NFIA: variants seen among roughly 807,000 people sequenced by gnomAD.
NFIA encodes the protein nuclear factor I A.
NFIA carries 8 observed loss-of-function variants against 62.8 expected under a neutral mutation model. That is an observed-to-expected ratio of 0.13 (90% CI 0.07 to 0.23). The LOEUF (loss-of-function observed/expected upper bound fraction) is 0.23, where lower values mean the gene tolerates loss of function less well. Ranked by LOEUF, NFIA falls within the 10% of genes least tolerant of loss-of-function variation. The pLI, the probability that NFIA is intolerant of heterozygous loss-of-function variation, is 1.00. For synonymous variants in NFIA, 235 were observed against 238.1 expected (o/e 0.99, Z 0.12); for missense variants, 410 against 642.1 (o/e 0.64, Z 3.91).
chr1:61,080,782 G>C (rs913713955), upstream of NFIA, among the ~76,000 whole-genome samples: 1 of 152,290 alleles, frequency 6.6e-6, no homozygotes, highest in East Asian at 1.9e-4. Flanking sequence ...GGGTGGGAGA[G>C]AGAATGGTTC....
chr1:61,237,043 T>C (rs1655054263), intron 2 of NFIA, among the ~76,000 whole-genome samples: 1 of 152,146 alleles, frequency 6.6e-6, no homozygotes, highest in African/African-American at 2.4e-5. Context: ...TGGGGACTTT[T>C]TGTCTCTTGT....
At chr1:61,153,415 C>CT (rs1318518481) in intron 2 of NFIA, among the ~76,000 whole-genome samples, 1 of 152,192 alleles carries the variant, frequency 6.6e-6, no homozygotes, top group Non-Finnish European at 1.5e-5. Flanking sequence ...CTGTAATTCT[C>CT]TAACTTTCAA....
chr1:61,326,124 ATCT>A (rs1463685447), intron 3 of NFIA, among the ~76,000 whole-genome samples: 12 of 152,240 alleles, frequency 7.9e-5, no homozygotes, highest in Middle Eastern at 6.8e-3. Flanking sequence ...ATCACACAAG[ATCT>A]TCTTTTAAGC....
chr1:61,181,116 G>C (rs951284824), intron 2 of NFIA, among the ~76,000 whole-genome samples: 3 of 152,242 alleles, frequency 2.0e-5, no homozygotes, highest in African/African-American at 7.2e-5. Context: ...GGTTTCCCCA[G>C]ATATGCTTAC....
chr1:61,101,433 A>G (rs913470790), intron 2 of NFIA, among the ~76,000 whole-genome samples: 47 of 151,868 alleles, frequency 3.1e-4, no homozygotes, highest in Admixed American at 9.2e-4. Context: ...CCACCATAGC[A>G]TGTTTTCTCT....
intron 5 of NFIA, among the ~76,000 whole-genome samples, chr1:61,355,100 T>G (rs2100435482): frequency 6.6e-6 from 1 of 152,316 alleles, no homozygotes; most frequent in Admixed American, 6.5e-5. Flanking sequence ...TATTTGGAAT[T>G]AGGGTAATAC....
chr1:61,082,526 A>G, upstream of NFIA: 2 of 1,322,848 alleles, frequency 1.5e-6, no homozygotes, highest in East Asian at 3.2e-5. Flanking sequence ...CGCGTACAGT[A>G]GGCATGTATA....
chr1:61,442,623 C>T (rs1299631220), intron 10 of NFIA, among the ~76,000 whole-genome samples: 2 of 150,724 alleles, frequency 1.3e-5, no homozygotes, highest in African/African-American at 2.4e-5. Flanking sequence ...TGTAGCAGCC[C>T]TTATTGGCAG....
intron 2 of NFIA, among the ~76,000 whole-genome samples, chr1:61,184,793 A>C (rs1324669188): frequency 6.9e-6 from 1 of 145,762 alleles, no homozygotes; most frequent in Non-Finnish European, 1.5e-5. Flanking sequence ...TAGAGAAACG[A>C]GAGGAAAATG....
At chr1:61,093,932 C>A (rs962537300) in intron 2 of NFIA, among the ~76,000 whole-genome samples, 1 of 152,214 alleles carries the variant, frequency 6.6e-6, no homozygotes, top group African/African-American at 2.4e-5. Context: ...CACAGTAGGA[C>A]TGGGTGTTTC....
intron 3 of NFIA, among the ~76,000 whole-genome samples, chr1:61,301,644 T>C (rs1475152515): frequency 6.6e-6 from 1 of 152,196 alleles, no homozygotes; most frequent in Non-Finnish European, 1.5e-5. Flanking sequence ...TTATCTTCCC[T>C]TGATAGATTT....
Position 61,406,542 on chromosome 1 carries a change from T to TGGGGGGGGGGGGGGGGGGGGGGG in NFIA, c.1255-19_1255-18insGGGGGGGGGGGGGGGGGGGGGGG. 8.8e-6 allele frequency: 11 copies of TGGGGGGGGGGGGGGGGGGGGGGG among 1,253,818 alleles called. No individual in the cohort carries two copies. The highest frequency in any genetic ancestry group is 3.1e-5 in the East Asian group (1 of 32,730). 77.7% of individuals were successfully genotyped at this position (1,253,818 alleles called of 1,614,324 possible). A position where few individuals can be genotyped will look rare whatever the true frequency, so the allele number is the denominator to read the frequency against. ...TTCTTTTTCTTGTACGTGTGTTTTC[T>TGGGGGGGGGGGGGGGGGGGGGGG]GCCCCCCCCCCCCCCACAGCCCAAT... On this transcript the variant is annotated intron_variant, in intron 8 of 10. Coordinates refer to ENST00000403491, the MANE Select transcript of NFIA (RefSeq NM_001134673.4).
chr1:61,124,346 G>A (rs1219290676), intron 2 of NFIA, among the ~76,000 whole-genome samples: 1 of 152,150 alleles, frequency 6.6e-6, no homozygotes. Context: ...GAAACTCCAG[G>A]TCTTACAATG....
chr1:61,317,256 C>G (rs2100360250), intron 3 of NFIA, among the ~76,000 whole-genome samples: 1 of 152,142 alleles, frequency 6.6e-6, no homozygotes, highest in Middle Eastern at 3.4e-3. Context: ...GTAGATAAAA[C>G]TTGATCTCCT....
intron 2 of NFIA, among the ~76,000 whole-genome samples, chr1:61,162,822 T>G (rs1226915816): frequency 5.3e-5 from 8 of 152,008 alleles, no homozygotes. Flanking sequence ...TCAACCTTTT[T>G]TTTTTTTTTT....
chr1:61,176,858 A>G (rs1650389495), intron 2 of NFIA, among the ~76,000 whole-genome samples: 1 of 152,174 alleles, frequency 6.6e-6, no homozygotes, highest in Non-Finnish European at 1.5e-5. Flanking sequence ...TAATCCCAGC[A>G]CTTTGGGAGG....
chr1:61,354,167 TA>T (rs1238760491), intron 5 of NFIA, among the ~76,000 whole-genome samples: 5 of 152,202 alleles, frequency 3.3e-5, no homozygotes, highest in Admixed American at 6.5e-5. Context: ...GAATGTCATT[TA>T]AAAGGCCAGT....
intron 4 of NFIA, among the ~76,000 whole-genome samples, chr1:61,335,082 C>G (rs1191305020): frequency 6.6e-6 from 1 of 152,170 alleles, no homozygotes; most frequent in African/African-American, 2.4e-5. Context: ...TAGCCAGTGC[C>G]TGGCATCATG....
In NFIA at chr1:61,095,946, T is replaced by A. The variant is rs187262135; in HGVS notation, c.559+7266T>A. ...TTTCCCCTATACATTACATATATTT[T>A]TATATATATATTTACAGACAGAGAA... is the stretch of plus-strand genomic sequence containing the variant. On this transcript the variant is annotated intron_variant, in intron 2 of 10. Transcript: ENST00000403491. 5.3e-4 allele frequency among the ~76,000 whole-genome samples: 80 copies of A among 152,008 alleles called. 1 individual carries two copies. Among genetic ancestry groups the A allele is most frequent in the African/African-American group, 5.5e-4 (23 of 41,502 alleles).
Sources: gnomAD v4.1 joint callset for allele counts (sites outside exome capture counted in the v4.1 genomes callset) on GRCh38, gnomAD v4.1.1 for gene constraint, MANE v1.5 for transcripts, NCBI Gene and HGNC (gene_info 2026-07-23, HGNC 2026-07-21) for gene names.